The following SUSD4 variants were observed in gnomAD, a reference collection of about 807,000 sequenced individuals.
SUSD4 encodes the protein sushi domain-containing protein 4.
In SUSD4, 41 loss-of-function variants were observed where a neutral mutation model predicts 50.5. That is an observed-to-expected ratio of 0.81 (90% confidence interval 0.63 to 1.05). SUSD4 has a LOEUF of 1.05. SUSD4 is among the 50% of genes least tolerant of loss of function. The pLI is 0.00. For missense variants in SUSD4, 580 were observed against 634.7 expected, an observed-to-expected ratio of 0.91 and a Z score of 0.93; for synonymous variants, 257 against 257.3, an observed-to-expected ratio of 1.00 and a Z score of 0.01.
At chr1:223,247,086 G>A (rs537154540) in intron 5 of SUSD4, among the ~76,000 whole-genome samples, 17 of 152,242 alleles carry the variant, frequency 1.1e-4, no homozygotes, top group African/African-American at 3.6e-4. Flanking sequence ...AGTTCCAAAG[G>A]TCCATACAGC....
intron 2 of SUSD4, among the ~76,000 whole-genome samples, chr1:223,316,007 A>T (rs1666166679): frequency 2.0e-5 from 3 of 152,278 alleles, no homozygotes; most frequent in Admixed American, 2.0e-4. Context: ...CTAGAAGAAA[A>T]GGGGACACAC....
chr1:223,298,940 T>C (rs971598558), intron 2 of SUSD4, among the ~76,000 whole-genome samples: 1 of 152,204 alleles, frequency 6.6e-6, no homozygotes, highest in Non-Finnish European at 1.5e-5. Flanking sequence ...CTGCCGGCCA[T>C]GGGCTCCAGC....
chr1:223,264,443 C>A, intron 5 of SUSD4, 187 bp downstream of exon 5: 1 of 1,336,038 alleles, frequency 7.5e-7, no homozygotes, highest in Middle Eastern at 2.8e-4. Context: ...ATGAGGGAAG[C>A]AAGTTTTACA....
chr1:223,280,951 C>A (rs2487832), intron 3 of SUSD4, among the ~76,000 whole-genome samples: 6,084 of 152,250 alleles, frequency 0.04, 391 homozygotes, highest in African/African-American at 0.14. Flanking sequence ...CACTGCTCAA[C>A]TACATGGAAA....
intron 2 of SUSD4, among the ~76,000 whole-genome samples, chr1:223,324,913 C>T (rs1666785531): frequency 6.6e-6 from 1 of 152,032 alleles, no homozygotes; most frequent in South Asian, 2.1e-4. Context: ...CACATTTCCC[C>T]CACCTCCTAC....
At chr1:223,232,601 C>T (rs574490194) in intron 5 of SUSD4, among the ~76,000 whole-genome samples, 3 of 152,246 alleles carry the variant, frequency 2.0e-5, no homozygotes, top group South Asian at 4.2e-4. Flanking sequence ...TCTCACTGGG[C>T]CTGAAAGATG....
In SUSD4 at chr1:223,330,585, C is replaced by A. The variant is rs189112938; in HGVS notation, c.148+32693G>T. On this transcript the variant is annotated intron_variant, in intron 2 of 8. Transcript: ENST00000366878. Reference sequence around the variant, plus strand: ...AAAGGAATATCTGCCAATAACAACACCATTTGTCTTAGTTACTGCTTTTAA... The same window carrying A: ...AAAGGAATATCTGCCAATAACAACAACATTTGTCTTAGTTACTGCTTTTAA... Among the ~76,000 whole-genome samples, 519 of 152,294 alleles carry A rather than the reference C, an allele frequency of 3.4e-3. 2 individuals are homozygous for A. The highest frequency in any genetic ancestry group is 6.1e-3 in the Non-Finnish European group (418 of 68,022).
At chr1:223,335,359 C>T (rs1025530328) in intron 2 of SUSD4, among the ~76,000 whole-genome samples, 22 of 152,056 alleles carry the variant, frequency 1.4e-4, no homozygotes, top group Admixed American at 1.0e-3. Context: ...AGTGTTCTGA[C>T]GGAAATGATT....
chr1:223,246,209 C>T (rs977611792), intron 5 of SUSD4, among the ~76,000 whole-genome samples: 1 of 152,052 alleles, frequency 6.6e-6, no homozygotes, highest in Non-Finnish European at 1.5e-5. Flanking sequence ...TCATGGAAGC[C>T]GCGAGGGGAG....
chr1:223,227,830 C>T lies in SUSD4; in HGVS notation c.917-92G>A. The T allele has an allele frequency of 1.4e-6, 2 of 1,477,780 alleles. No individual in the cohort carries two copies. Among genetic ancestry groups the T allele is most frequent in the Non-Finnish European group, 1.8e-6 (2 of 1,097,262 alleles). 91.5% of individuals were successfully genotyped at this position (1,477,780 alleles called of 1,614,324 possible). A position where few individuals can be genotyped will look rare whatever the true frequency, so the allele number is the denominator to read the frequency against. On this transcript the variant is annotated intron_variant, in intron 6 of 8. Coordinates refer to ENST00000366878, the MANE Select transcript of SUSD4 (RefSeq NM_017982.4). This position sits in a 1 kb window ranked among gnomAD's most constrained non-coding sequence, Gnocchi z 4.5. ...GGGCTCATTTGCTGGATTCATCTGG[C>T]ACAAGAGATGCGTGCAAGGTGCCTC...
At chr1:223,357,114 C>G (rs928650901) in intron 2 of SUSD4, among the ~76,000 whole-genome samples, 4 of 152,196 alleles carry the variant, frequency 2.6e-5, no homozygotes, top group Non-Finnish European at 4.4e-5. Context: ...ACAACCCATT[C>G]TGACTACCTT....
intron 2 of SUSD4, among the ~76,000 whole-genome samples, chr1:223,341,543 C>A (rs113243073): frequency 4.9e-4 from 75 of 152,204 alleles, no homozygotes; most frequent in East Asian, 3.3e-3. Context: ...CAAGCTCCCC[C>A]ACGCAGAACA....
At chr1:223,228,146 G>T (rs778943007) in intron 6 of SUSD4, among the ~76,000 whole-genome samples, 2 of 152,160 alleles carry the variant, frequency 1.3e-5, no homozygotes, top group Non-Finnish European at 2.9e-5. Flanking sequence ...ATATGCTGTG[G>T]GGTTGGGTAA....
chr1:223,249,913 T>A (rs951953071), intron 5 of SUSD4, among the ~76,000 whole-genome samples: 7 of 152,060 alleles, frequency 4.6e-5, no homozygotes, highest in African/African-American at 1.4e-4. Flanking sequence ...GAGAACAGAA[T>A]AGGAGAAAGT....
chr1:223,289,514 T>G (rs1270516702), intron 3 of SUSD4, among the ~76,000 whole-genome samples: 1 of 152,190 alleles, frequency 6.6e-6, no homozygotes, highest in Non-Finnish European at 1.5e-5. Flanking sequence ...ACCACCTTGC[T>G]TCTGTAGAGC....
intron 3 of SUSD4, among the ~76,000 whole-genome samples, chr1:223,291,753 T>C (rs1315694331): frequency 6.6e-6 from 1 of 152,202 alleles, no homozygotes; most frequent in Non-Finnish European, 1.5e-5. Flanking sequence ...TTCTGAGATA[T>C]ATCATCAACA....
intron 3 of SUSD4, among the ~76,000 whole-genome samples, chr1:223,292,048 G>C (rs1291862387): frequency 6.6e-6 from 1 of 152,138 alleles, no homozygotes; most frequent in Non-Finnish European, 1.5e-5. Flanking sequence ...AATCCTCTGA[G>C]TAATGCACAT....
intron 3 of SUSD4, among the ~76,000 whole-genome samples, chr1:223,286,970 G>T (rs1314141735): frequency 1.3e-5 from 2 of 152,228 alleles, no homozygotes; most frequent in African/African-American, 4.8e-5. Flanking sequence ...GATGTAGGTT[G>T]GACCCAGGAT....
rs372526219 is a variant in SUSD4, at chr1:223,223,431, T to A, written c.1262A>T (p.Asp421Val). 1.1e-5 allele frequency: 18 copies of A among 1,614,024 alleles called. No individual in the cohort carries two copies. Among genetic ancestry groups the A allele is most frequent in the Non-Finnish European group, 1.5e-5 (18 of 1,179,960 alleles). ...PPAYPGSGDT[D>V]TGPGESETCD... ...GGTTTCTGACTCCCCTGGGCCTGTG[T>A]CCGTGTCCCCTGAGCCGGGGTATGC... Residue 421 changes from aspartate (D) to valine (V), a missense_variant, in exon 8 of 9, where the codon GAC becomes GTC. Coordinates refer to ENST00000366878, the MANE Select transcript of SUSD4 (RefSeq NM_017982.4).
Sources: allele counts gnomAD v4.1 joint callset (sites outside exome capture counted in the v4.1 genomes callset), GRCh38; gene constraint gnomAD v4.1.1; non-coding constraint Gnocchi (gnomAD v3.1); transcripts MANE v1.5; gene names NCBI Gene and HGNC (gene_info 2026-07-23, HGNC 2026-07-21).